The following ELF1 variants were observed in gnomAD, a reference collection of about 807,000 sequenced individuals.
ELF1 encodes the protein ETS-related transcription factor Elf-1.
A neutral mutation model predicts 59.9 loss-of-function variants in ELF1; 24 were observed. That is an observed-to-expected ratio of 0.40 (90% CI 0.29 to 0.56). The LOEUF (loss-of-function observed/expected upper bound fraction) is 0.56. Ranked by LOEUF, ELF1 falls within the 20% of genes least tolerant of loss-of-function variation. The probability of loss-of-function intolerance (pLI) is 0.44; values close to 1 mark genes in which losing one functional copy is unlikely to be tolerated. For missense variants in ELF1, 627 were observed against 742.2 expected, an observed-to-expected ratio of 0.84 and a Z score of 1.80; for synonymous variants, 248 against 266.2, an observed-to-expected ratio of 0.93 and a Z score of 0.67.
At chr13:41,027,565 C>T (rs900778152) in intron 1 of ELF1, among the ~76,000 whole-genome samples, 2 of 152,208 alleles carry the variant, frequency 1.3e-5, no homozygotes, top group Non-Finnish European at 2.9e-5. Context: ...TGGGGTGATC[C>T]GCCAGCTACC....
intron 8 of ELF1, among the ~76,000 whole-genome samples, chr13:40,934,561 T>C (rs1869638609): frequency 1.3e-5 from 2 of 151,924 alleles, no homozygotes; most frequent in South Asian, 4.1e-4. Context: ...GCTGGGATTA[T>C]AGTCACGTGC....
chr13:40,948,684 G>C (rs1490784544), intron 5 of ELF1, among the ~76,000 whole-genome samples: 1 of 152,194 alleles, frequency 6.6e-6, no homozygotes, highest in African/African-American at 2.4e-5. Flanking sequence ...TCAGACTTTA[G>C]AATGCAAGTG....
At chr13:40,946,133 A>G (rs1394562582) in intron 5 of ELF1, among the ~76,000 whole-genome samples, 1 of 152,242 alleles carries the variant, frequency 6.6e-6, no homozygotes, top group East Asian at 1.9e-4. Flanking sequence ...GCCACTGAGC[A>G]TGGCCCAATT....
At chr13:41,037,564 A>T (rs902394652) in intron 1 of ELF1, among the ~76,000 whole-genome samples, 3 of 152,092 alleles carry the variant, frequency 2.0e-5, no homozygotes, top group African/African-American at 7.2e-5. Context: ...TGGGAGACCG[A>T]GGCGGATGGA....
intron 8 of ELF1, 150 bp from the exon 9 acceptor site, chr13:40,934,178 C>T (rs1869607962): frequency 9.3e-7 from 1 of 1,071,922 alleles, no homozygotes; most frequent in Non-Finnish European, 1.3e-6. Flanking sequence ...CAATATCATG[C>T]CAGACTTTGT....
At chr13:40,962,952 A>G (rs1871936960) in intron 2 of ELF1, among the ~76,000 whole-genome samples, 1 of 152,156 alleles carries the variant, frequency 6.6e-6, no homozygotes, top group African/African-American at 2.4e-5. Flanking sequence ...GAGATTATTC[A>G]CTCTTACACA....
chr13:41,033,225 A>T (rs1876241126), intron 1 of ELF1, among the ~76,000 whole-genome samples: 1 of 152,172 alleles, frequency 6.6e-6, no homozygotes. Flanking sequence ...GGAGTGGGTG[A>T]CCCAGGCTGA....
At chr13:41,006,936 T>C (rs1418394650) in intron 1 of ELF1, among the ~76,000 whole-genome samples, 1 of 152,160 alleles carries the variant, frequency 6.6e-6, no homozygotes, top group Non-Finnish European at 1.5e-5. Context: ...TCCAGCATAC[T>C]TTACCCAAGT....
In ELF1 at chr13:40,982,210, T is replaced by C; in HGVS notation, c.-156A>G. ...TTTCTTTAGGGAAGGTGCTTCAGTT[T>C]TCCTGGTTCATTGATATTCTAGTCA... On this transcript the variant is annotated 5_prime_UTR_variant, in exon 2 of 9. Transcript: ENST00000239882. 1.5e-5 allele frequency: 20 copies of C among 1,299,634 alleles called. 1 individual carries two copies. Among genetic ancestry groups the C allele is most frequent in the Non-Finnish European group, 2.0e-5 (20 of 1,022,268 alleles). The allele number at this position is 1,299,634 out of a possible 1,614,324, so 80.5% of individuals were successfully genotyped here. A position where few individuals can be genotyped will look rare whatever the true frequency, so the allele number is the denominator to read the frequency against.
At chr13:41,022,035 A>G (rs949872135), upstream of ELF1, among the ~76,000 whole-genome samples, 1 of 152,260 alleles carries the variant, frequency 6.6e-6, no homozygotes, top group African/African-American at 2.4e-5. Context: ...CACATGATCC[A>G]GTAATCCCAT....
intron 5 of ELF1, among the ~76,000 whole-genome samples, chr13:40,946,039 C>T (rs1427271897): frequency 1.3e-5 from 2 of 152,050 alleles, no homozygotes; most frequent in African/African-American, 2.4e-5. Flanking sequence ...GCAGAGATTG[C>T]GTTTCACCAT....
chr13:40,968,534 C>T (rs1302271395), intron 2 of ELF1, among the ~76,000 whole-genome samples: 5 of 152,040 alleles, frequency 3.3e-5, no homozygotes, highest in Admixed American at 6.6e-5. Flanking sequence ...TAAATGATTT[C>T]AGGAATTGAT....
At chr13:40,949,704 T>C in intron 5 of ELF1, 102 bp downstream of exon 5, 2 of 1,367,168 alleles carry the variant, frequency 1.5e-6, no homozygotes, top group Middle Eastern at 1.9e-4. Flanking sequence ...TTTTCTTACA[T>C]AAGTTTTAAC....
intron 1 of ELF1, among the ~76,000 whole-genome samples, chr13:41,003,071 G>A (rs1199129473): frequency 6.6e-6 from 1 of 152,092 alleles, no homozygotes; most frequent in African/African-American, 2.4e-5. Context: ...GTTTTCATAT[G>A]TTTGTTTTAG....
chr13:41,010,863 T>A (rs1875024908), intron 1 of ELF1, among the ~76,000 whole-genome samples: 1 of 152,158 alleles, frequency 6.6e-6, no homozygotes, highest in South Asian at 2.1e-4. Context: ...TGCTTATACA[T>A]ACACTATGGG....
At chr13:41,029,989 T>A (rs1208717550) in intron 1 of ELF1, among the ~76,000 whole-genome samples, 4 of 152,156 alleles carry the variant, frequency 2.6e-5, no homozygotes, top group African/African-American at 7.2e-5. Flanking sequence ...GAGTTGAATA[T>A]ACAGTCCTAA....
At position 40,982,106 on chromosome 13, in the gene ELF1, G is replaced by C; in HGVS notation, c.-52C>G. ...TGAGAAAAATTCCAAGAAGATTCAC[G>C]TATCAGGCAGCAAAATCCAGTGACT... On this transcript the variant is annotated 5_prime_UTR_variant, in exon 2 of 9. Coordinates refer to ENST00000239882, the MANE Select transcript of ELF1 (RefSeq NM_172373.4). 6.3e-7 allele frequency: 1 copy of C among 1,589,402 alleles called. No individual in the cohort carries two copies. The highest frequency in any genetic ancestry group is 8.6e-7 in the Non-Finnish European group (1 of 1,168,672).
chr13:40,996,955 C>T (rs1874158070), intron 1 of ELF1, among the ~76,000 whole-genome samples: 1 of 152,154 alleles, frequency 6.6e-6, no homozygotes, highest in Non-Finnish European at 1.5e-5. Context: ...TATACTACCT[C>T]TTTCCAGGCC....
intron 3 of ELF1, among the ~76,000 whole-genome samples, chr13:40,953,987 G>C (rs1337594741): frequency 6.6e-6 from 1 of 152,160 alleles, no homozygotes; most frequent in Non-Finnish European, 1.5e-5. Flanking sequence ...AAAGACTGTA[G>C]CCTTACCCTA....
Sources: gnomAD v4.1 joint callset for allele counts (sites outside exome capture counted in the v4.1 genomes callset) on GRCh38, gnomAD v4.1.1 for gene constraint, MANE v1.5 for transcripts, NCBI Gene and HGNC (gene_info 2026-07-23, HGNC 2026-07-21) for gene names.